GALK2: variants seen among roughly 807,000 people sequenced by gnomAD.
GALK2 encodes N-acetylgalactosamine kinase.
In GALK2, 36 loss-of-function variants were observed where a neutral mutation model predicts 52.4. That is an observed-to-expected ratio of 0.69 (90% CI 0.53 to 0.91). GALK2 has a LOEUF of 0.91. Among genes scored for constraint, GALK2 ranks in the 40% least tolerant of loss-of-function variants. GALK2 has a pLI of 0.00. For missense variants in GALK2, 579 were observed against 559.1 expected (o/e 1.04, Z -0.36); for synonymous variants, 176 against 199.1 (o/e 0.88, Z 0.98).
At chr15:49,223,476 C>T (rs1218342603) in intron 3 of GALK2, among the ~76,000 whole-genome samples, 1 of 152,128 alleles carries the variant, frequency 6.6e-6, no homozygotes, top group Non-Finnish European at 1.5e-5. Context: ...GATCCCATCA[C>T]CCAGGTAGTT....
At chr15:49,365,398 C>A in intron 3 of GALK2, 1 of 1,121,986 alleles carries the variant, frequency 8.9e-7, no homozygotes, top group South Asian at 1.3e-5. Flanking sequence ...AAGAACCAGT[C>A]TAAACATCAA....
intron 1 of GALK2, among the ~76,000 whole-genome samples, chr15:49,190,687 G>A (rs963908424): frequency 1.3e-5 from 2 of 152,166 alleles, no homozygotes; most frequent in Admixed American, 6.5e-5. Flanking sequence ...CCTAACTTAA[G>A]AGGATGCTCC....
chr15:49,293,632 T>C (rs1595992885), intron 8 of GALK2, among the ~76,000 whole-genome samples: 1 of 152,222 alleles, frequency 6.6e-6, no homozygotes, highest in South Asian at 2.1e-4. Flanking sequence ...AGAAAGGCAG[T>C]AGACTAAAGT....
intron 2 of GALK2, among the ~76,000 whole-genome samples, chr15:49,208,255 T>C (rs1272121455): frequency 1.3e-5 from 2 of 152,250 alleles, no homozygotes; most frequent in Non-Finnish European, 2.9e-5. Context: ...ATTGTCTGTT[T>C]GTGCTCTTTC....
At chr15:49,242,754 A>G (rs1009971908) in intron 5 of GALK2, among the ~76,000 whole-genome samples, 1 of 152,236 alleles carries the variant, frequency 6.6e-6, no homozygotes, top group Non-Finnish European at 1.5e-5. Flanking sequence ...TTACTGGTAC[A>G]AGAGAGTATG....
intron 1 of GALK2, among the ~76,000 whole-genome samples, chr15:49,177,444 A>G (rs2085550115): frequency 6.6e-6 from 1 of 152,264 alleles, no homozygotes; most frequent in Non-Finnish European, 1.5e-5. Flanking sequence ...ATCATCACTT[A>G]TAGTTTTCAA....
chr15:49,343,355 G>A (rs1395602935), intron 3 of GALK2, among the ~76,000 whole-genome samples: 1 of 152,004 alleles, frequency 6.6e-6, no homozygotes, highest in Non-Finnish European at 1.5e-5. Flanking sequence ...TTTCAGTTGA[G>A]TTTTTGAATT....
At chr15:49,348,756 G>A (rs1480534112) in intron 3 of GALK2, among the ~76,000 whole-genome samples, 1 of 152,104 alleles carries the variant, frequency 6.6e-6, no homozygotes. Context: ...CATTCAAAAG[G>A]TTTGGCTTTT....
At chr15:49,319,192 GA>G (rs1176112668) in intron 8 of GALK2, 1 of 351,464 alleles carries the variant, frequency 2.8e-6, no homozygotes, top group African/African-American at 2.2e-5. Flanking sequence ...GACCTCAGAT[GA>G]TCCACCTGCC....
chr15:49,204,408 CA>C (rs1255221869), intron 2 of GALK2, among the ~76,000 whole-genome samples: 1 of 151,744 alleles, frequency 6.6e-6, no homozygotes, highest in African/African-American at 2.4e-5. Context: ...CGAGGAATTG[CA>C]TTGAATCTGT....
At chr15:49,274,821 A>G (rs1364509241) in intron 5 of GALK2, among the ~76,000 whole-genome samples, 1 of 152,192 alleles carries the variant, frequency 6.6e-6, no homozygotes, top group African/African-American at 2.4e-5. Context: ...AGTCAGGATC[A>G]TCAATATCAC....
chr15:49,241,042 G>C (rs1197418810), intron 5 of GALK2, among the ~76,000 whole-genome samples: 1 of 152,132 alleles, frequency 6.6e-6, no homozygotes, highest in Non-Finnish European at 1.5e-5. Context: ...TGGGAATGGG[G>C]AACAGCAAAG....
At chr15:49,281,602 G>T (rs1254163562) in intron 5 of GALK2, among the ~76,000 whole-genome samples, 1 of 152,188 alleles carries the variant, frequency 6.6e-6, no homozygotes, top group African/African-American at 2.4e-5. Context: ...CTGTGGAATA[G>T]TAGTTCACTG....
intron 3 of GALK2, among the ~76,000 whole-genome samples, chr15:49,346,478 T>C (rs2041523252): frequency 6.6e-6 from 1 of 152,104 alleles, no homozygotes; most frequent in African/African-American, 2.4e-5. Flanking sequence ...TTAGGGGAAG[T>C]AGATGTGAGA....
At position 49,348,299 on chromosome 15, in the gene GALK2, G is replaced by A. The variant is rs932471427; in HGVS notation, c.427-19192G>A. 5.3e-5 allele frequency among the ~76,000 whole-genome samples: 8 copies of A among 152,078 alleles called. No individual in the cohort carries two copies. In the South Asian group the frequency reaches 1.0e-3, roughly 20 times the overall value. On this transcript the variant is annotated intron_variant, in intron 3 of 3. Transcript: ENST00000558399. ...TATTCCAAATAAATATACAAACTTC[G>A]GGTTTGCTTTGCAAATACATGTTCA...
chr15:49,233,399 A>C (rs973394317), intron 3 of GALK2, among the ~76,000 whole-genome samples: 1 of 152,180 alleles, frequency 6.6e-6, no homozygotes, highest in Non-Finnish European at 1.5e-5. Context: ...GGGAATCACA[A>C]CTTGGCATGA....
At chr15:49,267,974 G>T (rs1016447551) in intron 5 of GALK2, among the ~76,000 whole-genome samples, 1 of 152,184 alleles carries the variant, frequency 6.6e-6, no homozygotes, top group Non-Finnish European at 1.5e-5. Flanking sequence ...TATAATGACT[G>T]CATAGTTCCA....
At chr15:49,325,220 T>C (rs969922331) in intron 9 of GALK2, among the ~76,000 whole-genome samples, 12 of 152,250 alleles carry the variant, frequency 7.9e-5, no homozygotes, top group African/African-American at 2.9e-4. Flanking sequence ...TCATCTGCCC[T>C]AGCCTTTGCC....
At chr15:49,351,938 CTAATT>C (rs1428188410) in intron 3 of GALK2, among the ~76,000 whole-genome samples, 2 of 152,182 alleles carry the variant, frequency 1.3e-5, no homozygotes, top group Admixed American at 6.5e-5. Context: ...TAAAGCAACT[CTAATT>C]TATATTATTA....
Sources: allele counts gnomAD v4.1 joint callset (sites outside exome capture counted in the v4.1 genomes callset), GRCh38; gene constraint gnomAD v4.1.1; transcripts MANE v1.5; gene names NCBI Gene and HGNC (gene_info 2026-07-23, HGNC 2026-07-21).